The following ZDHHC20 variants were observed in gnomAD, a reference collection of about 807,000 sequenced individuals.
ZDHHC20 encodes palmitoyltransferase ZDHHC20.
Under a neutral mutation model 57.8 loss-of-function variants are expected in ZDHHC20, and 43 were observed. The ratio of observed to expected loss-of-function variants is 0.74; its 90% CI spans 0.58 to 0.96. The LOEUF is 0.96. ZDHHC20 is among the 40% of genes least tolerant of loss of function. The probability of loss-of-function intolerance (pLI) is 0.00; values close to 1 mark genes in which losing one functional copy is unlikely to be tolerated. For missense variants in ZDHHC20, 391 were observed against 441.1 expected, an observed-to-expected ratio of 0.89 and a Z score of 1.02; for synonymous variants, 157 against 153.0, an observed-to-expected ratio of 1.03 and a Z score of -0.19.
intron 4 of ZDHHC20, chr13:21,404,481 G>A: frequency 2.4e-6 from 1 of 411,918 alleles, no homozygotes; most frequent in Non-Finnish European, 4.9e-6. Context: ...GGGCACAGTG[G>A]CTCACACCTG....
At chr13:21,441,187 G>C (rs1883112685) in intron 1 of ZDHHC20, among the ~76,000 whole-genome samples, 1 of 152,126 alleles carries the variant, frequency 6.6e-6, no homozygotes, top group Non-Finnish European at 1.5e-5. Flanking sequence ...GGGGAGAACT[G>C]GCATCTTTGT....
intron 1 of ZDHHC20, among the ~76,000 whole-genome samples, chr13:21,428,612 G>A (rs1881561741): frequency 6.6e-6 from 1 of 151,724 alleles, no homozygotes; most frequent in Non-Finnish European, 1.5e-5. Context: ...CGTAATCTCA[G>A]CACTTTGGGA....
chr13:21,417,714 T>A (rs1880162471), intron 3 of ZDHHC20, among the ~76,000 whole-genome samples: 2 of 152,118 alleles, frequency 1.3e-5, no homozygotes, highest in African/African-American at 4.8e-5. Context: ...GCTAGGATTA[T>A]AGGGGTGAGC....
At chr13:21,457,533 G>A (rs1485780184) in intron 1 of ZDHHC20, among the ~76,000 whole-genome samples, 2 of 152,154 alleles carry the variant, frequency 1.3e-5, no homozygotes, top group African/African-American at 4.8e-5. Flanking sequence ...CCAAAAGCAT[G>A]AGACTAAACA....
chr13:21,432,360 C>T (rs1331008074), intron 1 of ZDHHC20, among the ~76,000 whole-genome samples: 1 of 149,506 alleles, frequency 6.7e-6, no homozygotes, highest in African/African-American at 2.5e-5. Flanking sequence ...GACAGAGTCT[C>T]GCTCTGTAGC....
At chr13:21,405,551 A>C (rs767839503) in intron 4 of ZDHHC20, among the ~76,000 whole-genome samples, 15 of 152,188 alleles carry the variant, frequency 9.9e-5, no homozygotes, top group Non-Finnish European at 1.8e-4. Context: ...GGGTGTGTTG[A>C]AATTACCATA....
At chr13:21,389,407 C>T (rs1278085050) in intron 8 of ZDHHC20, among the ~76,000 whole-genome samples, 1 of 152,068 alleles carries the variant, frequency 6.6e-6, no homozygotes, top group Non-Finnish European at 1.5e-5. Context: ...ACCCGCATTT[C>T]CTTTTAAGAA....
chr13:21,416,483 A>G (rs988374594), intron 3 of ZDHHC20, among the ~76,000 whole-genome samples: 1 of 152,212 alleles, frequency 6.6e-6, no homozygotes, highest in Non-Finnish European at 1.5e-5. Context: ...GTTGTCCCAG[A>G]TATCAGAGAT....
At chr13:21,404,335 C>T in intron 4 of ZDHHC20, 1 of 500,956 alleles carries the variant, frequency 2.0e-6, no homozygotes, top group South Asian at 1.5e-5. Context: ...TTGTAGACTG[C>T]ATGAGGCCTA....
chr13:21,401,009 G>A (rs1877546657), intron 6 of ZDHHC20, among the ~76,000 whole-genome samples: 1 of 152,164 alleles, frequency 6.6e-6, no homozygotes, highest in South Asian at 2.1e-4. Context: ...CGAGTGCAGT[G>A]GCTCATGCCT....
Position 21,373,968 on chromosome 13 carries a change from T to C in ZDHHC20, c.*2728A>G, listed in dbSNP as rs1315204349. The C allele has an allele frequency of 6.6e-6, 1 of 152,306 alleles. No homozygotes were observed. Among genetic ancestry groups the C allele is most frequent in the African/African-American group, 2.4e-5 (1 of 41,460 alleles). The allele number at this position is 152,306 out of a possible 1,614,324, so 9.4% of individuals were successfully genotyped here. A position where few individuals can be genotyped will look rare whatever the true frequency, so the allele number is the denominator to read the frequency against. On this transcript the variant is annotated 3_prime_UTR_variant, in exon 13 of 13. Coordinates refer to ENST00000400590, the MANE Select transcript of ZDHHC20 (RefSeq NM_001330059.2). ...TTAACTGAAAATTTCTGAAAAGATG[T>C]TTGCTGTGCTATTAAAGATGTTAAA... is the stretch of plus-strand genomic sequence containing the variant.
chr13:21,372,882 A>T lies in ZDHHC20; in HGVS notation c.*3814T>A, dbSNP rs1211333089. On this transcript the variant is annotated 3_prime_UTR_variant, in exon 13 of 13. Coordinates refer to ENST00000400590, the MANE Select transcript of ZDHHC20 (RefSeq NM_001330059.2). Reference sequence around the variant, plus strand: ...CATAGACTCATTTGCAGTCATGTACAAATATACCTAATAGCTTTCTTCATC... The same window carrying T: ...CATAGACTCATTTGCAGTCATGTACTAATATACCTAATAGCTTTCTTCATC... 6.6e-6 allele frequency: 1 copy of T among 152,210 alleles called. No individual in the cohort carries two copies. Among genetic ancestry groups the T allele is most frequent in the Non-Finnish European group, 1.5e-5 (1 of 68,004 alleles). The allele number at this position is 152,210 out of a possible 1,614,324, so 9.4% of individuals were successfully genotyped here. A position where few individuals can be genotyped will look rare whatever the true frequency, so the allele number is the denominator to read the frequency against.
chr13:21,387,612 A>C lies in ZDHHC20; in HGVS notation c.750T>G (p.Phe250Leu). 1 of 1,486,466 alleles carries C rather than the reference A, an allele frequency of 6.7e-7. No homozygotes were observed. The highest frequency in any genetic ancestry group is 9.0e-7 in the Non-Finnish European group (1 of 1,113,342). The allele number at this position is 1,486,466 out of a possible 1,614,324, so 92.1% of individuals were successfully genotyped here. Residue 250 changes from phenylalanine to leucine, a missense_variant, in exon 9 of 13, where the codon TTT becomes TTG. Physicochemically the swap from Phe to Leu is conservative, Grantham distance 22. Around this residue, in one of 3 missense-constraint regions of ZDHHC20, gnomAD observed 197 missense variants for 220.8 expected, o/e 0.89. Transcript: ENST00000400590. ...AACCATTTCCATCAGGTCCGTATGA[A>C]AACGTGGGTGCGCGGAATGATTCTG... ...TTIESFRAPT[F>L]SYGPDGNGFS...
In ZDHHC20 at chr13:21,387,615, C is replaced by T. The variant is rs750688554; in HGVS notation, c.747G>A (p.Thr249=). ...CATTTCCATCAGGTCCGTATGAAAA[C>T]GTGGGTGCGCGGAATGATTCTGTTA... The part of the protein sequence containing the change: ...RTTIESFRAP[T]FSYGPDGNGF... Residue 249 remains threonine, a synonymous_variant, in exon 9 of 13, where the codon ACG becomes ACA. Transcript: ENST00000400590. 23 of 1,477,048 alleles carry T rather than the reference C, an allele frequency of 1.6e-5. No individual in the cohort carries two copies. The highest frequency in any genetic ancestry group is 2.3e-5 in the Admixed American group (1 of 43,518). 91.5% of individuals were successfully genotyped at this position (1,477,048 alleles called of 1,614,324 possible). A position where few individuals can be genotyped will look rare whatever the true frequency, so the allele number is the denominator to read the frequency against.
intron 9 of ZDHHC20, among the ~76,000 whole-genome samples, chr13:21,386,086 G>C (rs572285937): frequency 6.6e-6 from 1 of 152,346 alleles, no homozygotes; most frequent in Non-Finnish European, 1.5e-5. Context: ...TCCAACCAAT[G>C]GGAGGGGGAC....
At chr13:21,381,412 T>G in intron 11 of ZDHHC20, 22 bp downstream of exon 11, 2 of 1,544,490 alleles carry the variant, frequency 1.3e-6, no homozygotes, top group Non-Finnish European at 1.8e-6. Context: ...GACAAAGCAG[T>G]GTTTCAAATG....
At chr13:21,398,593 C>T (rs952370036) in intron 7 of ZDHHC20, among the ~76,000 whole-genome samples, 4 of 152,044 alleles carry the variant, frequency 2.6e-5, no homozygotes, top group African/African-American at 9.7e-5. Flanking sequence ...TTTTTTTCCC[C>T]TAGTATACCA....
chr13:21,373,892 G>A lies in ZDHHC20; in HGVS notation c.*2804C>T, dbSNP rs1450535190. 2 of 152,436 alleles carry A rather than the reference G, an allele frequency of 1.3e-5. No homozygotes were observed. The highest frequency in any genetic ancestry group is 1.9e-4 in the East Asian group (1 of 5,184). The allele number at this position is 152,436 out of a possible 1,614,324, so 9.4% of individuals were successfully genotyped here. The stretch of plus-strand genomic sequence containing the variant: ...AGTTGAGCTAAATATTATTTAGAAC[G>A]TGGCAAAATGCTGGCTGTAAATTAA... On this transcript the variant is annotated 3_prime_UTR_variant, in exon 13 of 13. Coordinates refer to ENST00000400590, the MANE Select transcript of ZDHHC20 (RefSeq NM_001330059.2).
chr13:21,421,642 T>C (rs1462172153), intron 2 of ZDHHC20, among the ~76,000 whole-genome samples: 1 of 152,192 alleles, frequency 6.6e-6, no homozygotes, highest in Non-Finnish European at 1.5e-5. Context: ...GTGACCTAAA[T>C]TTCATTCCCC....
Sources: allele counts gnomAD v4.1 joint callset (sites outside exome capture counted in the v4.1 genomes callset), GRCh38; gene constraint gnomAD v4.1.1; regional missense constraint gnomAD v4.1.1; transcripts MANE v1.5; gene names NCBI Gene and HGNC (gene_info 2026-07-23, HGNC 2026-07-21).